METTL8: variants seen among roughly 807,000 people sequenced by gnomAD.
METTL8 encodes tRNA N(3)-cytidine methyltransferase METTL8, mitochondrial.
In METTL8, 32 loss-of-function variants were observed where a neutral mutation model predicts 48.7. The observed-to-expected ratio is 0.66, with a 90% CI of 0.50 to 0.88. The LOEUF (loss-of-function observed/expected upper bound fraction) is 0.88. Among genes scored for constraint, METTL8 ranks in the 40% least tolerant of loss-of-function variants. METTL8 has a pLI of 0.00. For missense variants in METTL8, 464 were observed against 474.4 expected (o/e 0.98, Z 0.20); for synonymous variants, 136 against 157.1 (o/e 0.87, Z 1.01).
intron 1 of METTL8, among the ~76,000 whole-genome samples, chr2:171,398,337 A>G (rs1689309674): frequency 1.3e-5 from 2 of 152,200 alleles, no homozygotes; most frequent in African/African-American, 4.8e-5. Flanking sequence ...AAGAAAGGAA[A>G]TTTTGACACA....
At position 171,330,589 on chromosome 2, in the gene METTL8, A is replaced by C; in HGVS notation, c.830T>G (p.Val277Gly). Residue 277 changes from valine to glycine, a missense_variant, in exon 7 of 10, where the codon GTC becomes GGC. Physicochemically the swap from Val to Gly is moderately radical, Grantham distance 109 (BLOSUM62 -3). Coordinates refer to ENST00000375258, the MANE Select transcript of METTL8 (RefSeq NM_001321154.2). Reference protein sequence around the residue: ...PDGILDVILLVFVLSSIHPDR... With the variant: ...PDGILDVILLGFVLSSIHPDR... ...AGGATGAATAGAAGAGAGCACAAAG[A>C]CAAGGAGAATGACATCCAGGATCCC... 2 of 1,614,054 alleles carry C rather than the reference A, an allele frequency of 1.2e-6. No individual in the cohort carries two copies. The highest frequency in any genetic ancestry group is 1.7e-6 in the Non-Finnish European group (2 of 1,179,960).
At chr2:171,384,252 A>T (rs1199695233) in intron 2 of METTL8, among the ~76,000 whole-genome samples, 2 of 152,248 alleles carry the variant, frequency 1.3e-5, no homozygotes, top group African/African-American at 4.8e-5. Flanking sequence ...AAACGTCTGT[A>T]ATCCCAGCAC....
intron 3 of METTL8, among the ~76,000 whole-genome samples, chr2:171,358,559 G>GA (rs1395682399): frequency 6.6e-6 from 1 of 152,088 alleles, no homozygotes; most frequent in Non-Finnish European, 1.5e-5. Flanking sequence ...ATATGATGGG[G>GA]AAAGGACAGT....
At chr2:171,368,761 G>A (rs1032850332) in intron 2 of METTL8, among the ~76,000 whole-genome samples, 1 of 152,100 alleles carries the variant, frequency 6.6e-6, no homozygotes, top group African/African-American at 2.4e-5. Context: ...ATAGAGCCAG[G>A]CCCTGTGGAG....
chr2:171,425,416 T>A (rs1475234357), intron 1 of METTL8, among the ~76,000 whole-genome samples: 1 of 152,164 alleles, frequency 6.6e-6, no homozygotes, highest in Non-Finnish European at 1.5e-5. Context: ...ATCTCCTTCA[T>A]AGGTTACTTT....
intron 2 of METTL8, among the ~76,000 whole-genome samples, chr2:171,367,297 G>A (rs988355938): frequency 4.0e-5 from 6 of 151,888 alleles, no homozygotes; most frequent in South Asian, 2.1e-4. Context: ...ATATACAGTG[G>A]GAAAAGAAAT....
chr2:171,430,222 G>A (rs997128306), intron 1 of METTL8, among the ~76,000 whole-genome samples: 2 of 151,832 alleles, frequency 1.3e-5, no homozygotes, highest in East Asian at 1.9e-4. Context: ...GCCAGGGATG[G>A]TGGTGTGCGC....
chr2:171,430,691 G>C (rs868039784), intron 1 of METTL8, among the ~76,000 whole-genome samples: 2 of 152,116 alleles, frequency 1.3e-5, no homozygotes, highest in Non-Finnish European at 2.9e-5. Context: ...AGCAGCAGGA[G>C]GCAGACAAAT....
chr2:171,366,689 A>G (rs554115811), intron 2 of METTL8, among the ~76,000 whole-genome samples: 1 of 152,154 alleles, frequency 6.6e-6, no homozygotes, highest in South Asian at 2.1e-4. Flanking sequence ...CTTTTTAAAA[A>G]AGGAAATTCT....
chr2:171,378,458 C>T (rs1028475955), intron 2 of METTL8, among the ~76,000 whole-genome samples: 1 of 151,880 alleles, frequency 6.6e-6, no homozygotes, highest in Non-Finnish European at 1.5e-5. Context: ...ATAGTGAAAC[C>T]CCATCTCTAC....
intron 7 of METTL8, among the ~76,000 whole-genome samples, chr2:171,328,696 T>G (rs1685210521): frequency 6.6e-6 from 1 of 152,056 alleles, no homozygotes; most frequent in Non-Finnish European, 1.5e-5. Flanking sequence ...TTTTTATCAT[T>G]TATTTATTTT....
chr2:171,348,731 A>C (rs1294555614), intron 3 of METTL8, among the ~76,000 whole-genome samples: 1 of 152,164 alleles, frequency 6.6e-6, no homozygotes, highest in Non-Finnish European at 1.5e-5. Context: ...TAGGTGTGTT[A>C]ACTTCGTGAA....
intron 9 of METTL8, among the ~76,000 whole-genome samples, chr2:171,324,930 C>G (rs1684777211): frequency 1.3e-5 from 2 of 151,712 alleles, no homozygotes; most frequent in Admixed American, 1.3e-4. Flanking sequence ...ATGGTGAAAC[C>G]CCTTCTCTAA....
chr2:171,424,393 C>T (rs921493022), intron 1 of METTL8, among the ~76,000 whole-genome samples: 3 of 152,128 alleles, frequency 2.0e-5, no homozygotes, highest in African/African-American at 7.2e-5. Flanking sequence ...GCACCATGTG[C>T]CTGGAAAAGC....
At chr2:171,407,287 A>G (rs1690284348) in intron 1 of METTL8, among the ~76,000 whole-genome samples, 1 of 152,000 alleles carries the variant, frequency 6.6e-6, no homozygotes, top group Non-Finnish European at 1.5e-5. Flanking sequence ...TTGAGGCTGC[A>G]GTGAGCCTTG....
At chr2:171,390,489 A>G (rs1013131760) in intron 2 of METTL8, among the ~76,000 whole-genome samples, 3 of 152,268 alleles carry the variant, frequency 2.0e-5, no homozygotes, top group African/African-American at 7.2e-5. Flanking sequence ...GGATTCACCA[A>G]TCTACATGCC....
intron 1 of METTL8, among the ~76,000 whole-genome samples, chr2:171,416,946 A>T (rs1559207056): frequency 6.6e-6 from 1 of 152,256 alleles, no homozygotes; most frequent in Non-Finnish European, 1.5e-5. Context: ...ACATGTTTCC[A>T]TAATACATCC....
chr2:171,409,554 C>T lies in METTL8; in HGVS notation c.-12-17357G>A, dbSNP rs144798957. 5.8e-3 allele frequency among the ~76,000 whole-genome samples: 878 copies of T among 152,166 alleles called. 5 individuals carry two copies. In the Middle Eastern group the frequency reaches 0.058, roughly 10 times the overall value. On this transcript the variant is annotated intron_variant, in intron 1 of 9. Transcript: ENST00000375258. ...CGGGAGGCAAAAAGAAATGCTAGCT[C>T]CCCAGCTTTCCTTTCTCCCCCACTG...
At chr2:171,352,261 G>A (rs977902244) in intron 3 of METTL8, among the ~76,000 whole-genome samples, 9 of 152,102 alleles carry the variant, frequency 5.9e-5, no homozygotes, top group African/African-American at 9.7e-5. Flanking sequence ...GTTGGATTAC[G>A]TTTATGGATT....
Sources: allele counts gnomAD v4.1 joint callset (sites outside exome capture counted in the v4.1 genomes callset), GRCh38; gene constraint gnomAD v4.1.1; transcripts MANE v1.5; gene names NCBI Gene and HGNC (gene_info 2026-07-23, HGNC 2026-07-21).